CNGB1: variants seen among roughly 807,000 people sequenced by gnomAD.
CNGB1 encodes the protein cyclic nucleotide gated channel subunit beta 1.
CNGB1 carries 126 observed loss-of-function variants against 151.7 expected under a neutral mutation model. The ratio of observed to expected loss-of-function variants is 0.83; its 90% CI spans 0.72 to 0.96. CNGB1 has a LOEUF of 0.96. Ranked by LOEUF, CNGB1 falls within the 40% of genes least tolerant of loss-of-function variation. The pLI, the probability that CNGB1 is intolerant of heterozygous loss-of-function variation, is 0.00. For synonymous variants in CNGB1, 623 were observed against 635.1 expected, an observed-to-expected ratio of 0.98 and a Z score of 0.29; for missense variants, 1,698 against 1,627.0, an observed-to-expected ratio of 1.04 and a Z score of -0.75.
chr16:57,936,473 G>A (rs1961511229), intron 16 of CNGB1, among the ~76,000 whole-genome samples: 1 of 152,194 alleles, frequency 6.6e-6, no homozygotes, highest in Non-Finnish European at 1.5e-5. Flanking sequence ...TGTGCCTAAA[G>A]AAAGGAATAT....
intron 13 of CNGB1, 140 bp downstream of exon 13, chr16:57,950,241 G>A: frequency 1.0e-6 from 1 of 999,966 alleles, no homozygotes; most frequent in South Asian, 1.3e-5. Context: ...CTACCCATGG[G>A]AGAAGGATGG....
intron 1 of CNGB1, among the ~76,000 whole-genome samples, chr16:57,968,633 A>G (rs80137837): frequency 0.01 from 1,582 of 152,358 alleles, 21 homozygotes; most frequent in African/African-American, 0.035. Flanking sequence ...CATGTACTAC[A>G]TAATCTCATT....
chr16:57,967,006 C>T, intron 2 of CNGB1, 122 bp downstream of exon 2: 1 of 1,398,444 alleles, frequency 7.2e-7, no homozygotes, highest in South Asian at 1.2e-5. Context: ...CCTGTGACCC[C>T]CACTTTTCCT....
intron 31 of CNGB1, among the ~76,000 whole-genome samples, chr16:57,894,770 G>C (rs1960179385): frequency 6.6e-6 from 1 of 152,210 alleles, no homozygotes; most frequent in Admixed American, 6.5e-5. Flanking sequence ...CCATTTTGCA[G>C]AGTGTTGACC....
chr16:57,933,616 G>A (rs1961420839), intron 16 of CNGB1, among the ~76,000 whole-genome samples: 1 of 152,194 alleles, frequency 6.6e-6, no homozygotes, highest in Admixed American at 6.5e-5. Flanking sequence ...GGGCACAGGT[G>A]TGGGCACCAG....
intron 25 of CNGB1, among the ~76,000 whole-genome samples, chr16:57,906,860 T>C (rs1960565295): frequency 6.6e-6 from 1 of 152,118 alleles, no homozygotes; most frequent in Non-Finnish European, 1.5e-5. Flanking sequence ...TCCTTGTCTG[T>C]GGGGACCATC....
chr16:57,941,678 T>C (rs1961671432), intron 14 of CNGB1, among the ~76,000 whole-genome samples: 1 of 152,018 alleles, frequency 6.6e-6, no homozygotes, highest in Non-Finnish European at 1.5e-5. Context: ...TTCAACCAAT[T>C]ACATATAGAA....
In CNGB1 at chr16:57,884,177, T is replaced by C. The variant is rs2149350034; in HGVS notation, c.3743A>G (p.Glu1248Gly). ...CCTCACCCCACCTTACTCCGCCTTCTCCTCCCTTTCCTCCGGCATCTTCAC... is the reference window on the plus strand; with the variant it reads ...CCTCACCCCACCTTACTCCGCCTTCCCCTCCCTTTCCTCCGGCATCTTCAC... The part of the protein sequence containing the change: ...LSVKMPEERE[E>G]KAE Residue 1248 changes from glutamate to glycine, a missense_variant, in exon 33 of 33, where the codon GAG (glutamate) becomes GGG (glycine). By Grantham distance (98) the Glu-to-Gly change is moderately conservative. Coordinates refer to ENST00000251102, the MANE Select transcript of CNGB1 (RefSeq NM_001297.5). 1 of 1,614,012 alleles carries C rather than the reference T, an allele frequency of 6.2e-7. No homozygotes were observed. Among genetic ancestry groups the C allele is most frequent in the East Asian group, 2.2e-5 (1 of 44,868 alleles).
At chr16:57,904,033 G>A (rs747528366) in intron 26 of CNGB1, 52 bp from the exon 27 acceptor site, 59 of 1,569,510 alleles carry the variant, frequency 3.8e-5, no homozygotes, top group Non-Finnish European at 3.2e-5. Flanking sequence ...ATTGGGGGTG[G>A]GCGCTATTCC....
At chr16:57,903,416 C>T (rs147919455) in intron 27 of CNGB1, among the ~76,000 whole-genome samples, 33 of 152,066 alleles carry the variant, frequency 2.2e-4, no homozygotes, top group African/African-American at 6.0e-4. Context: ...CGCTTGAACC[C>T]GGGAGATGGA....
chr16:57,908,655 C>T (rs983372020), intron 25 of CNGB1, among the ~76,000 whole-genome samples: 5 of 152,218 alleles, frequency 3.3e-5, no homozygotes, highest in African/African-American at 1.2e-4. Flanking sequence ...GGCCTGTCTC[C>T]GCTGCCAGGG....
intron 31 of CNGB1, among the ~76,000 whole-genome samples, chr16:57,891,004 C>T (rs536713748): frequency 1.3e-5 from 2 of 152,334 alleles, no homozygotes; most frequent in Admixed American, 6.5e-5. Context: ...CACAGGTGCA[C>T]AGGCACTGTC....
chr16:57,893,627 G>A (rs1229993742), intron 31 of CNGB1, among the ~76,000 whole-genome samples: 8 of 152,052 alleles, frequency 5.3e-5, no homozygotes, highest in African/African-American at 9.7e-5. Context: ...GTGAAACCCC[G>A]TCTCTACTTA....
At chr16:57,950,240 G>C in intron 13 of CNGB1, 141 bp downstream of exon 13, 1 of 984,126 alleles carries the variant, frequency 1.0e-6, no homozygotes, top group Non-Finnish European at 1.6e-6. Flanking sequence ...TCTACCCATG[G>C]GAGAAGGATG....
intron 14 of CNGB1, among the ~76,000 whole-genome samples, chr16:57,945,666 T>C (rs1452403725): frequency 6.6e-6 from 1 of 152,242 alleles, no homozygotes; most frequent in African/African-American, 2.4e-5. Context: ...GCTTTCCTTG[T>C]CTGTAATGCC....
At position 57,946,050 on chromosome 16, in the gene CNGB1, C is replaced by T. The variant is rs189889253; in HGVS notation, c.1121+3303G>A. On this transcript the variant is annotated intron_variant, in intron 14 of 32. Coordinates refer to ENST00000251102, the MANE Select transcript of CNGB1 (RefSeq NM_001297.5). ...CCCTGCTTGACAGGGTGCCCAGTGC[C>T]TGCCAAGGCCCCCTCTTGTGCAGCC... 7.9e-5 allele frequency among the ~76,000 whole-genome samples: 12 copies of T among 152,310 alleles called. No homozygotes were observed. The East Asian group carries it at 2.3e-3, about 30-fold the overall frequency.
In CNGB1 at chr16:57,904,735, T is replaced by G; in HGVS notation, c.2633A>C (p.Gln878Pro). ...GAAGCTGGGCTGGTGCCCCGATACC[T>G]GTCCGATCATCACAGAGAAAGCAAA... ...GVFAFSVMIG[Q>P]MRDVVGAATA... The change falls in exon 26 of 33, where the codon CAG (glutamine) becomes CCG (proline). Residue 878 changes from glutamine (Q) to proline (P), a missense_variant and splice_region_variant. Transcript: ENST00000251102. 6.2e-7 allele frequency: 1 copy of G among 1,614,112 alleles called. No individual in the cohort carries two copies. The highest frequency in any genetic ancestry group is 8.5e-7 in the Non-Finnish European group (1 of 1,180,032).
At chr16:57,912,662 GTGTT>G (rs1204834170) in intron 24 of CNGB1, among the ~76,000 whole-genome samples, 4 of 151,256 alleles carry the variant, frequency 2.6e-5, no homozygotes, top group East Asian at 1.9e-4. Context: ...TGTGTTGTGT[GTGTT>G]TGTGTGTGTT....
chr16:57,945,986 G>A (rs1364431596), intron 14 of CNGB1, among the ~76,000 whole-genome samples: 5 of 152,160 alleles, frequency 3.3e-5, no homozygotes, highest in African/African-American at 7.2e-5. Context: ...CAGCATCACC[G>A]GGGGCTGTCT....
Sources: allele counts gnomAD v4.1 joint callset (sites outside exome capture counted in the v4.1 genomes callset), GRCh38; gene constraint gnomAD v4.1.1; transcripts MANE v1.5; gene names NCBI Gene and HGNC (gene_info 2026-07-23, HGNC 2026-07-21).